The following ZNF880 variants were observed in gnomAD, a reference collection of about 807,000 sequenced individuals.
ZNF880 encodes the protein zinc finger protein LOC400713.
ZNF880 carries 12 observed loss-of-function variants against 11.8 expected under a neutral mutation model. The ratio of observed to expected loss-of-function variants is 1.02; its 90% confidence interval spans 0.65 to 1.65. ZNF880 has a LOEUF of 1.65. Among genes scored for constraint, ZNF880 ranks in the 40% most tolerant of loss-of-function variants. The pLI is 0.00. For synonymous variants in ZNF880, 210 were observed against 232.4 expected (o/e 0.90, Z 0.88); for missense variants, 601 against 673.9 (o/e 0.89, Z 1.20).
downstream of ZNF880, among the ~76,000 whole-genome samples, chr19:52,386,841 T>C (rs1265429966): frequency 7.2e-6 from 1 of 138,990 alleles, no homozygotes; most frequent in Non-Finnish European, 1.5e-5. Flanking sequence ...ATTTTTGAAA[T>C]GGAAGAGAGA....
chr19:52,394,534 T>C, the ZNF880 span, among the ~76,000 whole-genome samples: 2 of 152,128 alleles, frequency 1.3e-5, no homozygotes, highest in Admixed American at 1.3e-4. Context: ...CATGCCTGGC[T>C]GATGAAATAT....
At chr19:52,379,738 C>G (rs968874241) in intron 3 of ZNF880, 6 of 185,844 alleles carry the variant, frequency 3.2e-5, no homozygotes, top group African/African-American at 1.4e-4. Flanking sequence ...GTCACTGTAC[C>G]CGGCTCTGAT....
At chr19:52,368,891 AG>A (rs1471706852), upstream of ZNF880, among the ~76,000 whole-genome samples, 1 of 145,304 alleles carries the variant, frequency 6.9e-6, no homozygotes, top group African/African-American at 2.5e-5. Context: ...CTGAGATGGG[AG>A]GATCACTTGA....
rs1326392211 is a variant in ZNF880, at chr19:52,384,899, A to T, written c.1319A>T (p.Glu440Val). The T allele has an allele frequency of 6.2e-6, 10 of 1,609,056 alleles. No homozygotes were observed. The highest frequency in any genetic ancestry group is 1.3e-5 in the African/African-American group (1 of 74,870). ...HTGEKPYKCK[E>V]CAKVFRHRLS... ...GGAGAGAAACCTTACAAATGTAAAG[A>T]ATGTGCCAAGGTCTTCAGGCATAGA... The change falls in exon 4 of 4, where the codon GAA becomes GTA. Residue 440 changes from glutamate to valine, a missense_variant. By Grantham distance (121) the Glu-to-Val change is moderately radical. This residue lies in a region of ZNF880 where 177 missense variants were observed against 214.5 expected (regional missense o/e 0.83). Coordinates refer to ENST00000422689, the MANE Select transcript of ZNF880 (RefSeq NM_001145434.2).
intron 1 of ZNF880, 37 bp downstream of exon 1, chr19:52,370,014 T>G (rs749061697): frequency 4.0e-5 from 62 of 1,551,440 alleles, no homozygotes; most frequent in Non-Finnish European, 5.3e-5. Flanking sequence ...TCTGGGATGC[T>G]GAGTCCCCTC....
At chr19:52,376,838 G>A (rs1469720494) in intron 3 of ZNF880, among the ~76,000 whole-genome samples, 1 of 151,940 alleles carries the variant, frequency 6.6e-6, no homozygotes, top group Non-Finnish European at 1.5e-5. Flanking sequence ...AGGATTGTTT[G>A]TTTTTTTCTT....
chr19:52,379,161 T>C (rs1380455748), intron 3 of ZNF880, among the ~76,000 whole-genome samples: 1 of 152,140 alleles, frequency 6.6e-6, no homozygotes, highest in Non-Finnish European at 1.5e-5. Context: ...GTCTTCTTTG[T>C]TTTATATGTG....
chr19:52,370,216 G>A (rs1986323070), intron 1 of ZNF880: 1 of 568,580 alleles, frequency 1.8e-6, no homozygotes, highest in Admixed American at 3.0e-5. Context: ...CTGTCGCGGA[G>A]TTTGCCTGCT....
At position 52,384,892 on chromosome 19, in the gene ZNF880, TGTAAA is replaced by T. The variant is rs770697151; in HGVS notation, c.1314_1318del (p.Cys438Ter). 3 of 1,610,292 alleles carry T rather than the reference TGTAAA, an allele frequency of 1.9e-6. No homozygotes were observed. The highest frequency in any genetic ancestry group is 1.7e-4 in the Middle Eastern group (1 of 6,060). On this transcript the variant is annotated frameshift_variant, in exon 4 of 4. Coordinates refer to ENST00000422689, the MANE Select transcript of ZNF880 (RefSeq NM_001145434.2). LOFTEE classifies it low-confidence loss of function (END_TRUNC). ...TCACACTGGAGAGAAACCTTACAAA[TGTAAA>T]GAATGTGCCAAGGTCTTCAGGCATA... is the stretch of plus-strand genomic sequence containing the variant.
chr19:52,369,911 A>C, upstream of ZNF880: 1 of 1,551,334 alleles, frequency 6.4e-7, no homozygotes, highest in Non-Finnish European at 8.7e-7. Context: ...CTCGCCTCTC[A>C]GCTGCGCGCG....
chr19:52,383,807 A>G (rs774623724), intron 3 of ZNF880, 42 bp from the exon 4 acceptor site: 13 of 1,488,418 alleles, frequency 8.7e-6, no homozygotes, highest in Non-Finnish European at 1.1e-5. Context: ...TGAACATGCC[A>G]TTGTCATGGG....
rs760149514 is a variant in ZNF880 at position 52,384,343 on chromosome 19, C to T, written c.763C>T (p.Leu255Phe). 5 of 1,613,606 alleles carry T rather than the reference C, an allele frequency of 3.1e-6. No individual in the cohort carries two copies. The African/African-American group carries it at 5.3e-5, about 17-fold the overall frequency. ...CAAGCTCTTCAATCGAATTTCACTC[C>T]TTGCACGACATCAGAGAATACATAC... Reference protein sequence around the residue: ...CGKLFNRISLLARHQRIHTGE... With the variant: ...CGKLFNRISLFARHQRIHTGE... Residue 255 changes from leucine to phenylalanine, a missense_variant, in exon 4 of 4, where the codon CTT becomes TTT. Physicochemically the swap from Leu to Phe is conservative, Grantham distance 22 (BLOSUM62 0). This residue lies in a region of ZNF880 where 420 missense variants were observed against 442.6 expected (regional missense o/e 0.95). Coordinates refer to ENST00000422689, the MANE Select transcript of ZNF880 (RefSeq NM_001145434.2).
At chr19:52,371,381 C>CT (rs1986367570) in intron 1 of ZNF880, among the ~76,000 whole-genome samples, 1 of 151,336 alleles carries the variant, frequency 6.6e-6, no homozygotes, top group Non-Finnish European at 1.5e-5. Flanking sequence ...GATGGAGTCT[C>CT]TCTTTGTCAC....
At position 52,385,304 on chromosome 19, in the gene ZNF880, C is replaced by T. The variant is rs1425290341; in HGVS notation, c.1724C>T (p.Pro575Leu). Residue 575 changes from proline to leucine, a missense_variant, in exon 4 of 4, where the codon CCG becomes CTG. Pro to Leu is a moderately conservative substitution (Grantham distance 98, BLOSUM62 -3). Coordinates refer to ENST00000422689, the MANE Select transcript of ZNF880 (RefSeq NM_001145434.2). ...NHHRIHTGEKPYR is the reference protein window; with the variant it reads ...NHHRIHTGEKLYR ...CACAGAATCCATACTGGAGAGAAAC[C>T]GTACAGATGAAATGTGTGTGGTAAG... 13 of 1,551,788 alleles carry T rather than the reference C, an allele frequency of 8.4e-6. No homozygotes were observed. The highest frequency in any genetic ancestry group is 5.9e-5 in the Admixed American group (3 of 51,008).
the ZNF880 span, among the ~76,000 whole-genome samples, chr19:52,393,024 A>G: frequency 1.3e-5 from 2 of 151,270 alleles, no homozygotes; most frequent in Non-Finnish European, 2.9e-5. Flanking sequence ...AAACTCTGCA[A>G]CTGGGAGAAT....
chr19:52,368,121 G>A (rs573552346), upstream of ZNF880, among the ~76,000 whole-genome samples: 3 of 150,166 alleles, frequency 2.0e-5, no homozygotes, highest in Non-Finnish European at 3.0e-5. Flanking sequence ...CAGGAGAATC[G>A]CTTGAACCCA....
chr19:52,369,800 T>C, upstream of ZNF880: 1 of 743,742 alleles, frequency 1.3e-6, no homozygotes, highest in Middle Eastern at 2.4e-4. Context: ...GCTGAGTTCT[T>C]CCAGTCTCCA....
chr19:52,382,772 T>C (rs763377869), intron 3 of ZNF880, among the ~76,000 whole-genome samples: 5 of 152,184 alleles, frequency 3.3e-5, no homozygotes, highest in Admixed American at 6.5e-5. Flanking sequence ...GGGTTCGTTT[T>C]AGTTAGCATT....
In ZNF880 at chr19:52,384,882, A is replaced by G; in HGVS notation, c.1302A>G (p.Lys434=). ...ATCTACTAATTCACACTGGAGAGAA[A>G]CCTTACAAATGTAAAGAATGTGCCA... is the stretch of plus-strand genomic sequence containing the variant. The part of the protein sequence containing the change: ...TAHLLIHTGE[K]PYKCKECAKV... The change falls in exon 4 of 4, where the codon AAA becomes AAG. Residue 434 remains lysine (K), a synonymous_variant. Transcript: ENST00000422689. 1 of 1,612,288 alleles carries G rather than the reference A, an allele frequency of 6.2e-7. No individual in the cohort carries two copies. The highest frequency in any genetic ancestry group is 8.5e-7 in the Non-Finnish European group (1 of 1,179,112).
Sources: allele counts gnomAD v4.1 joint callset (sites outside exome capture counted in the v4.1 genomes callset), GRCh38; gene constraint gnomAD v4.1.1; regional missense constraint gnomAD v4.1.1; transcripts MANE v1.5; gene names NCBI Gene and HGNC (gene_info 2026-07-23, HGNC 2026-07-21).